CLSTN2: variants seen among roughly 807,000 people sequenced by gnomAD.
CLSTN2 encodes the protein calsyntenin 2.
A neutral mutation model predicts 101.2 loss-of-function variants in CLSTN2; 48 were observed. That is an observed-to-expected ratio of 0.47 (90% CI 0.38 to 0.60). CLSTN2 has a LOEUF of 0.60. CLSTN2 is among the 20% of genes least tolerant of loss of function. CLSTN2 has a pLI of 0.00. For synonymous variants in CLSTN2, 481 were observed against 463.6 expected (o/e 1.04, Z -0.48); for missense variants, 1,160 against 1,238.2 (o/e 0.94, Z 0.95).
chr3:140,416,601 C>T (rs1191381782), intron 4 of CLSTN2, among the ~76,000 whole-genome samples: 1 of 152,216 alleles, frequency 6.6e-6, no homozygotes, highest in Non-Finnish European at 1.5e-5. Flanking sequence ...ATGTGTGTGT[C>T]TGTGTGGTCT....
chr3:140,318,304 A>G (rs1035390357), intron 2 of CLSTN2, among the ~76,000 whole-genome samples: 1 of 152,148 alleles, frequency 6.6e-6, no homozygotes, highest in Non-Finnish European at 1.5e-5. Context: ...AGTGGCAAGG[A>G]GGGGCTCGGA....
At chr3:140,437,577 T>A (rs987045182) in intron 5 of CLSTN2, among the ~76,000 whole-genome samples, 3 of 152,228 alleles carry the variant, frequency 2.0e-5, no homozygotes, top group Non-Finnish European at 2.9e-5. Context: ...GTCTAATGCA[T>A]GTGTGGGGCT....
At chr3:140,544,521 G>A (rs1935547857) in intron 9 of CLSTN2, among the ~76,000 whole-genome samples, 1 of 152,162 alleles carries the variant, frequency 6.6e-6, no homozygotes, top group Admixed American at 6.5e-5. Flanking sequence ...AGAATCCCTG[G>A]GGATGTGACC....
intron 2 of CLSTN2, among the ~76,000 whole-genome samples, chr3:140,350,950 A>G (rs1290723532): frequency 2.6e-5 from 4 of 152,188 alleles, no homozygotes; most frequent in Non-Finnish European, 5.9e-5. Flanking sequence ...ACCCTGCAGT[A>G]GATTTATTCC....
chr3:140,178,842 C>A (rs2010363836), intron 2 of CLSTN2, among the ~76,000 whole-genome samples: 2 of 152,206 alleles, frequency 1.3e-5, no homozygotes, highest in Non-Finnish European at 2.9e-5. Flanking sequence ...CGCTTATCAG[C>A]TGCTTTTGTA....
At chr3:140,367,635 A>C (rs747228969) in intron 2 of CLSTN2, among the ~76,000 whole-genome samples, 5 of 151,744 alleles carry the variant, frequency 3.3e-5, no homozygotes, top group Non-Finnish European at 7.4e-5. Context: ...TTTTGTGTTC[A>C]TGTCTTGAAT....
chr3:140,140,414 G>A (rs549845050), intron 1 of CLSTN2, among the ~76,000 whole-genome samples: 4 of 152,072 alleles, frequency 2.6e-5, no homozygotes, highest in African/African-American at 9.6e-5. Flanking sequence ...GAGAGAGAGA[G>A]AGAGGAGGAA....
chr3:140,355,166 A>T (rs1389546031), intron 2 of CLSTN2, among the ~76,000 whole-genome samples: 1 of 152,222 alleles, frequency 6.6e-6, no homozygotes, highest in African/African-American at 2.4e-5. Context: ...TAAATTGTGC[A>T]TGGATAAAAA....
rs117405634 is a variant in CLSTN2, at chr3:140,348,939, T to C, written c.233-54690T>C. 2.5e-3 allele frequency among the ~76,000 whole-genome samples: 374 copies of C among 152,336 alleles called. 5 individuals carry two copies. In the East Asian group the frequency reaches 0.046, roughly 19 times the overall value. ...TGACTTTGCCAAGACTGGTTGTCATTACTGTGTGATATGGTTTGCCTGTGT... is the reference window on the plus strand; with the variant it reads ...TGACTTTGCCAAGACTGGTTGTCATCACTGTGTGATATGGTTTGCCTGTGT... On this transcript the variant is annotated intron_variant, in intron 2 of 16. Transcript: ENST00000458420.
At chr3:140,528,805 G>A (rs1255718550) in intron 8 of CLSTN2, among the ~76,000 whole-genome samples, 1 of 152,132 alleles carries the variant, frequency 6.6e-6, no homozygotes, top group East Asian at 1.9e-4. Context: ...ACCTCACAGT[G>A]CCTTGCACCT....
rs1191819526 is a variant in CLSTN2 at position 140,419,771 on chromosome 3, GTATACACGTA to G, written c.638-1341_638-1332del. Among the ~76,000 whole-genome samples the G allele has an allele frequency of 1.8e-4, 11 of 60,606 alleles. 3 individuals are homozygous for G. Among genetic ancestry groups the G allele is most frequent in the Non-Finnish European group, 2.9e-4 (11 of 38,312 alleles). 39.8% of individuals were successfully genotyped at this position (60,606 alleles called of 152,430 possible). A position where few individuals can be genotyped will look rare whatever the true frequency, so the allele number is the denominator to read the frequency against. ...TATACACATATACGTGTATACACGT[GTATACACGTA>G]TATACACGTATACGTGTATATACGT... On this transcript the variant is annotated intron_variant, in intron 4 of 16. Coordinates refer to ENST00000458420, the MANE Select transcript of CLSTN2 (RefSeq NM_022131.3).
intron 2 of CLSTN2, among the ~76,000 whole-genome samples, chr3:140,286,958 G>C (rs952355865): frequency 6.6e-6 from 1 of 152,172 alleles, no homozygotes; most frequent in African/African-American, 2.4e-5. Flanking sequence ...GAGGAATCAG[G>C]CTGGTCAGGA....
chr3:140,549,191 C>T (rs1264124946), intron 10 of CLSTN2, among the ~76,000 whole-genome samples: 4 of 120,958 alleles, frequency 3.3e-5, no homozygotes, highest in Non-Finnish European at 7.0e-5. Context: ...TGAACTGTTC[C>T]AGGCAGGCAC....
At chr3:140,084,542 T>C (rs1037903277) in intron 1 of CLSTN2, among the ~76,000 whole-genome samples, 2 of 152,224 alleles carry the variant, frequency 1.3e-5, no homozygotes, top group African/African-American at 4.8e-5. Flanking sequence ...TACTGAAGTC[T>C]ATCAGAAACC....
intron 15 of CLSTN2, 63 bp downstream of exon 15, chr3:140,563,266 A>C: frequency 6.4e-7 from 1 of 1,563,532 alleles, no homozygotes; most frequent in Non-Finnish European, 8.7e-7. Context: ...AAGATTATCT[A>C]CTCAACAGAC....
chr3:140,484,280 C>T (rs1461670753), intron 8 of CLSTN2, among the ~76,000 whole-genome samples: 27 of 152,178 alleles, frequency 1.8e-4, no homozygotes, highest in African/African-American at 5.8e-4. Flanking sequence ...TTAAGAATGT[C>T]GAATATTGGC....
intron 2 of CLSTN2, among the ~76,000 whole-genome samples, chr3:140,273,729 G>T (rs9811609): frequency 6.6e-6 from 1 of 151,848 alleles, no homozygotes; most frequent in Non-Finnish European, 1.5e-5. Flanking sequence ...AGGGTAACTC[G>T]CCCACTCTAC....
chr3:140,134,872 CT>C (rs2009578523), intron 1 of CLSTN2, among the ~76,000 whole-genome samples: 1 of 151,722 alleles, frequency 6.6e-6, no homozygotes, highest in African/African-American at 2.4e-5. Context: ...CAACTACCCC[CT>C]AAATGATGGC....
chr3:140,314,321 G>C (rs904881614), intron 2 of CLSTN2, among the ~76,000 whole-genome samples: 1 of 152,180 alleles, frequency 6.6e-6, no homozygotes, highest in Non-Finnish European at 1.5e-5. Context: ...CCTTGGACTT[G>C]TTTCTATTAT....
Sources: gnomAD v4.1 joint callset for allele counts (sites outside exome capture counted in the v4.1 genomes callset) on GRCh38, gnomAD v4.1.1 for gene constraint, MANE v1.5 for transcripts, NCBI Gene and HGNC (gene_info 2026-07-23, HGNC 2026-07-21) for gene names.